RHBDF2: variants seen among roughly 807,000 people sequenced by gnomAD.
RHBDF2 encodes rhomboid 5 homolog 2.
RHBDF2 carries 38 observed loss-of-function variants against 95.2 expected under a neutral mutation model. The ratio of observed to expected loss-of-function variants is 0.40; its 90% CI spans 0.31 to 0.52. The LOEUF (loss-of-function observed/expected upper bound fraction) is 0.52, where lower values mean the gene tolerates loss of function less well. Among genes scored for constraint, RHBDF2 ranks in the 20% least tolerant of loss-of-function variants. The pLI is 0.56. For missense variants in RHBDF2, 863 were observed against 1,137.7 expected (o/e 0.76, Z 3.47); for synonymous variants, 442 against 462.0 (o/e 0.96, Z 0.55).
At chr17:76,497,195 G>T (rs191094495) in intron 1 of RHBDF2, among the ~76,000 whole-genome samples, 1 of 152,054 alleles carries the variant, frequency 6.6e-6, no homozygotes, top group South Asian at 2.1e-4. Context: ...GCGGCCACAC[G>T]GGGGAGGCAG....
chr17:76,474,938 A>T, intron 10 of RHBDF2, 92 bp downstream of exon 10: 1 of 1,478,336 alleles, frequency 6.8e-7, no homozygotes, highest in South Asian at 1.2e-5. Context: ...TGCTGGGGCC[A>T]GATTGTTGCG....
intron 18 of RHBDF2, 109 bp from the exon 19 acceptor site, chr17:76,472,161 A>T: frequency 5.4e-6 from 6 of 1,118,068 alleles, no homozygotes; most frequent in Middle Eastern, 6.0e-4. Context: ...AGGCATGGGG[A>T]CCCCTGAGGC....
intron 1 of RHBDF2, among the ~76,000 whole-genome samples, chr17:76,500,683 G>T (rs113044574): frequency 3.0e-4 from 46 of 152,270 alleles, no homozygotes; most frequent in African/African-American, 1.1e-3. Context: ...AGTGGGGCGG[G>T]GTCTGTACCC....
intron 9 of RHBDF2, among the ~76,000 whole-genome samples, chr17:76,475,566 C>A (rs1357616579): frequency 6.6e-6 from 1 of 152,018 alleles, no homozygotes; most frequent in Non-Finnish European, 1.5e-5. Flanking sequence ...CCACACCTAT[C>A]ATTGCTTGTT....
chr17:76,481,280 G>C, intron 3 of RHBDF2, 95 bp downstream of exon 3: 1 of 1,397,848 alleles, frequency 7.2e-7, no homozygotes, highest in South Asian at 1.3e-5. Context: ...GCTCAGGAAG[G>C]AGCCCCTCTG....
chr17:76,483,943 GC>G (rs2074046276), intron 2 of RHBDF2, among the ~76,000 whole-genome samples: 1 of 152,052 alleles, frequency 6.6e-6, no homozygotes, highest in Admixed American at 6.6e-5. Flanking sequence ...CTCTTGCTCT[GC>G]CCCATGACCG....
chr17:76,477,113 GGT>G, intron 8 of RHBDF2, 65 bp downstream of exon 8: 1 of 1,610,202 alleles, frequency 6.2e-7, no homozygotes, highest in Non-Finnish European at 8.5e-7. Context: ...TGGGGGCCAG[GGT>G]GAGGTCTGGG....
intron 2 of RHBDF2, among the ~76,000 whole-genome samples, chr17:76,483,867 T>C (rs973614647): frequency 6.6e-6 from 1 of 152,132 alleles, no homozygotes; most frequent in Non-Finnish European, 1.5e-5. Context: ...GTGCCACCAG[T>C]CCCCAGTTCC....
intron 10 of RHBDF2, 110 bp downstream of exon 10, chr17:76,474,920 C>T (rs2073718746): frequency 6.7e-7 from 1 of 1,500,058 alleles, no homozygotes; most frequent in Non-Finnish European, 9.1e-7. Context: ...CTATGGTGAG[C>T]ACCACCCTGC....
chr17:76,481,840 G>A (rs1184607168), intron 2 of RHBDF2: 1 of 227,950 alleles, frequency 4.4e-6, no homozygotes, highest in Non-Finnish European at 9.0e-6. Context: ...TGTAATCCCA[G>A]CTACTCGGGA....
intron 1 of RHBDF2, among the ~76,000 whole-genome samples, chr17:76,498,850 GTGTGTCTC>G (rs2074504332): frequency 6.6e-6 from 1 of 151,494 alleles, no homozygotes. Flanking sequence ...GTGTGTTTGT[GTGTGTCTC>G]TGTGTGTCTG....
rs199669611 is a variant in RHBDF2 at position 76,474,172 on chromosome 17, T to C, written c.1465-30A>G. 1.9e-4 allele frequency: 286 copies of C among 1,501,942 alleles called. 1 individual carries two copies. The African/African-American group carries it at 3.4e-3, about 18-fold the overall frequency. The allele number at this position is 1,501,942 out of a possible 1,614,324, so 93.0% of individuals were successfully genotyped here. A position where few individuals can be genotyped will look rare whatever the true frequency, so the allele number is the denominator to read the frequency against. On this transcript the variant is annotated intron_variant, in intron 12 of 18. Transcript: ENST00000675367. ...AGGGCAGAAGAAGGCTGGTGGGTCATGTCGGGGCCAGGTCACCCCCACTGG... is the reference window on the plus strand; with the variant it reads ...AGGGCAGAAGAAGGCTGGTGGGTCACGTCGGGGCCAGGTCACCCCCACTGG...
chr17:76,474,334 C>T (rs778441955), intron 12 of RHBDF2, 39 bp downstream of exon 12: 2 of 1,598,484 alleles, frequency 1.3e-6, no homozygotes, highest in Admixed American at 3.3e-5. Context: ...AGTCCGGGAC[C>T]AGGGTCTGGC....
rs770206566 is a variant in RHBDF2 at position 76,471,752 on chromosome 17, C to T, written c.2365G>A (p.Ala789Thr). Residue 789 changes from alanine (A) to threonine (T), a missense_variant, in exon 19 of 19, where the codon GCC becomes ACC. Transcript: ENST00000675367. ...SLLAFAGLFA[A>T]LVLWLYIYPI... is the part of the protein sequence containing the mutation. ...TAGATGTACAGCCACAGCACGAGGG[C>T]GGCGAAGAGGCCGGCAAAGGCCAGC... The T allele has an allele frequency of 6.0e-5, 96 of 1,610,304 alleles. No homozygotes were observed. In the Middle Eastern group the frequency reaches 2.3e-3, roughly 39 times the overall value.
intron 1 of RHBDF2, among the ~76,000 whole-genome samples, chr17:76,498,823 T>TGTGTGTGA (rs763823463): frequency 9.2e-5 from 13 of 141,212 alleles, no homozygotes; most frequent in Middle Eastern, 3.5e-3. Context: ...TGTGTGTGTG[T>TGTGTGTGA]GAGTCTGTGT....
intron 1 of RHBDF2, among the ~76,000 whole-genome samples, chr17:76,498,857 T>C (rs66878662): frequency 0.11 from 15,854 of 149,788 alleles, 884 homozygotes; most frequent in Middle Eastern, 0.13. Flanking sequence ...TGTGTGTGTC[T>C]CTGTGTGTCT....
chr17:76,492,919 A>C (rs1479412224), intron 1 of RHBDF2: 1 of 152,404 alleles, frequency 6.6e-6, no homozygotes, highest in Non-Finnish European at 1.5e-5. Flanking sequence ...GACAGGAAAG[A>C]GGGAGACCAT....
At chr17:76,473,145 G>C in intron 16 of RHBDF2, 40 bp from the exon 17 acceptor site, 1 of 1,594,888 alleles carries the variant, frequency 6.3e-7, no homozygotes, top group Non-Finnish European at 8.6e-7. Context: ...CCAGAAGCAG[G>C]CTGAGTCTGA....
chr17:76,481,825 G>A (rs890038765), intron 2 of RHBDF2: 18 of 231,784 alleles, frequency 7.8e-5, no homozygotes, highest in Admixed American at 1.9e-4. Flanking sequence ...GTGGTGGCAC[G>A]TGCCTGTAAT....
Sources: gnomAD v4.1 joint callset for allele counts (sites outside exome capture counted in the v4.1 genomes callset) on GRCh38, gnomAD v4.1.1 for gene constraint, MANE v1.5 for transcripts, NCBI Gene and HGNC (gene_info 2026-07-23, HGNC 2026-07-21) for gene names.